Variants in PSD3 observed in about 807,000 individuals in gnomAD.
PSD3 encodes the protein PH and SEC7 domain-containing protein 3.
Under a neutral mutation model 105.5 loss-of-function variants are expected in PSD3, and 49 were observed. The observed-to-expected ratio is 0.46, with a 90% confidence interval of 0.37 to 0.59. The LOEUF is 0.59. Ranked by LOEUF, PSD3 falls within the 20% of genes least tolerant of loss-of-function variation. The pLI, the probability that PSD3 is intolerant of heterozygous loss-of-function variation, is 0.00. For synonymous variants in PSD3, 557 were observed against 457.8 expected, an observed-to-expected ratio of 1.22 and a Z score of -2.77; for missense variants, 1,561 against 1,263.8, an observed-to-expected ratio of 1.24 and a Z score of -3.57.
chr8:18,645,504 A>C (rs972254787), intron 10 of PSD3, among the ~76,000 whole-genome samples: 1 of 152,192 alleles, frequency 6.6e-6, no homozygotes, highest in African/African-American at 2.4e-5. Flanking sequence ...TATAAATAGA[A>C]CAATCAAACC....
intron 9 of PSD3, among the ~76,000 whole-genome samples, chr8:18,656,667 A>G (rs1293759664): frequency 6.6e-6 from 1 of 152,198 alleles, no homozygotes; most frequent in African/African-American, 2.4e-5. Flanking sequence ...CTCTAGCATT[A>G]CAAAGGTCCT....
Position 18,535,651 on chromosome 8 carries a change from T to G in PSD3, c.*92A>C, listed in dbSNP as rs1799807425. On this transcript the variant is annotated 3_prime_UTR_variant, in exon 16 of 16. Transcript: ENST00000327040. Reference sequence around the variant, plus strand: ...CTAATGCACCGTTTTGTCACAGACTTTTTTTTTTTAAATATATTCACGGAT... The same window carrying G: ...CTAATGCACCGTTTTGTCACAGACTGTTTTTTTTTAAATATATTCACGGAT... 8.8e-7 allele frequency: 1 copy of G among 1,141,204 alleles called. No homozygotes were observed. The highest frequency in any genetic ancestry group is 1.6e-5 in the African/African-American group (1 of 61,856). The allele number at this position is 1,141,204 out of a possible 1,614,324, so 70.7% of individuals were successfully genotyped here.
intron 9 of PSD3, among the ~76,000 whole-genome samples, chr8:18,678,831 T>C (rs1800217981): frequency 6.6e-6 from 1 of 151,732 alleles, no homozygotes; most frequent in African/African-American, 2.4e-5. Context: ...AAAAAAGTTT[T>C]CCTTCTTGCA....
intron 8 of PSD3, among the ~76,000 whole-genome samples, chr8:18,782,146 C>T (rs1362289496): frequency 1.3e-5 from 2 of 151,866 alleles, no homozygotes; most frequent in East Asian, 3.9e-4. Flanking sequence ...ATTTTGAATT[C>T]ATTTTCAGGT....
intron 4 of PSD3, among the ~76,000 whole-genome samples, chr8:18,848,354 C>T (rs1815276219): frequency 6.6e-6 from 1 of 152,212 alleles, no homozygotes; most frequent in South Asian, 2.1e-4. Flanking sequence ...CAACCCCACC[C>T]TTGGCCTGCA....
At chr8:18,944,187 G>C (rs963048281) in intron 1 of PSD3, among the ~76,000 whole-genome samples, 1 of 152,128 alleles carries the variant, frequency 6.6e-6, no homozygotes, top group Non-Finnish European at 1.5e-5. Flanking sequence ...CCTATCAGTG[G>C]CACATGCTTT....
intron 1 of PSD3, among the ~76,000 whole-genome samples, chr8:19,070,514 A>G (rs1293255003): frequency 6.6e-6 from 1 of 152,114 alleles, no homozygotes; most frequent in Non-Finnish European, 1.5e-5. Context: ...TATCTCTACT[A>G]AAAATACAAA....
intron 1 of PSD3, among the ~76,000 whole-genome samples, chr8:18,986,134 C>G (rs1266774425): frequency 6.6e-6 from 1 of 152,004 alleles, no homozygotes; most frequent in African/African-American, 2.4e-5. Context: ...GGAGTTTTAT[C>G]TTAAAAAGAA....
chr8:18,921,525 T>C (rs1014566575), intron 2 of PSD3, among the ~76,000 whole-genome samples: 1 of 152,204 alleles, frequency 6.6e-6, no homozygotes, highest in African/African-American at 2.4e-5. Context: ...GAGGCAGATC[T>C]AGTTTTGTGG....
chr8:18,632,529 C>T lies in PSD3; in HGVS notation c.2410+84G>A, dbSNP rs1262520375. The T allele has an allele frequency of 3.5e-6, 5 of 1,432,562 alleles. No homozygotes were observed. The South Asian group carries it at 5.0e-5, about 14-fold the overall frequency. The allele number at this position is 1,432,562 out of a possible 1,614,324, so 88.7% of individuals were successfully genotyped here. Reference sequence around the variant, plus strand: ...TATAGATAAACATAATTTTTTCATCCTTGACTTTCAGATAAATTCCCTTTA... The same window carrying T: ...TATAGATAAACATAATTTTTTCATCTTTGACTTTCAGATAAATTCCCTTTA... On this transcript the variant is annotated intron_variant, in intron 11 of 15. Transcript: ENST00000327040.
intron 1 of PSD3, among the ~76,000 whole-genome samples, chr8:18,958,390 C>T (rs897121636): frequency 6.6e-6 from 1 of 152,132 alleles, no homozygotes; most frequent in Non-Finnish European, 1.5e-5. Flanking sequence ...ATTTATCATA[C>T]ACATGTATTA....
chr8:18,658,808 C>A (rs1302875035), intron 9 of PSD3, among the ~76,000 whole-genome samples: 1 of 140,534 alleles, frequency 7.1e-6, no homozygotes, highest in Non-Finnish European at 1.5e-5. Context: ...GTAGTCAGAT[C>A]ATAAAAAGTA....
chr8:18,944,579 TAAATAAATAA>T (rs1822746659), intron 1 of PSD3, among the ~76,000 whole-genome samples: 2 of 9,664 alleles, frequency 2.1e-4, no homozygotes, highest in Non-Finnish European at 1.8e-3. Context: ...TCAAAATAAA[TAAATAAATAA>T]ATAAATAAAT....
chr8:18,813,725 G>T (rs1811922011), intron 4 of PSD3, among the ~76,000 whole-genome samples: 1 of 152,102 alleles, frequency 6.6e-6, no homozygotes, highest in Admixed American at 6.5e-5. Context: ...CACCAGTTCT[G>T]GGACCTTAGG....
chr8:19,000,396 G>A (rs367619561), intron 1 of PSD3, among the ~76,000 whole-genome samples: 5 of 133,564 alleles, frequency 3.7e-5, no homozygotes, highest in Non-Finnish European at 3.1e-5. Flanking sequence ...GGCTCTGTCT[G>A]AAAAAAAAAA....
At chr8:18,641,709 A>T (rs974641841) in intron 10 of PSD3, among the ~76,000 whole-genome samples, 1 of 152,198 alleles carries the variant, frequency 6.6e-6, no homozygotes, top group Non-Finnish European at 1.5e-5. Context: ...TTTAAAAAAT[A>T]AAGGTGGTGG....
At chr8:18,618,414 G>C (rs181424367) in intron 11 of PSD3, among the ~76,000 whole-genome samples, 1 of 151,392 alleles carries the variant, frequency 6.6e-6, no homozygotes, top group Non-Finnish European at 1.5e-5. Context: ...ATCTGGCTCA[G>C]AATAAGCCTC....
At chr8:19,077,577 T>A (rs1440472896) in intron 1 of PSD3, among the ~76,000 whole-genome samples, 2 of 152,186 alleles carry the variant, frequency 1.3e-5, no homozygotes, top group African/African-American at 4.8e-5. Context: ...CTAGAAACAC[T>A]TGCAGAGAGT....
chr8:18,882,382 G>C (rs1012795929), intron 2 of PSD3, among the ~76,000 whole-genome samples: 1 of 152,164 alleles, frequency 6.6e-6, no homozygotes, highest in Non-Finnish European at 1.5e-5. Context: ...ATTAGAGCCA[G>C]TTCATTCTCT....
Sources: gnomAD v4.1 joint callset for allele counts (sites outside exome capture counted in the v4.1 genomes callset) on GRCh38, gnomAD v4.1.1 for gene constraint, MANE v1.5 for transcripts, NCBI Gene and HGNC (gene_info 2026-07-23, HGNC 2026-07-21) for gene names.